The following ANK2 variants were observed in gnomAD, a reference collection of about 807,000 sequenced individuals.
ANK2 encodes the protein ankyrin-2.
ANK2 carries 83 observed loss-of-function variants against 360.5 expected under a neutral mutation model. That is an observed-to-expected ratio of 0.23 (90% confidence interval 0.19 to 0.28). The LOEUF (loss-of-function observed/expected upper bound fraction) is 0.28, where lower values mean the gene tolerates loss of function less well. ANK2 is among the 10% of genes least tolerant of loss of function. The probability of loss-of-function intolerance (pLI) is 1.00; values close to 1 mark genes in which losing one functional copy is unlikely to be tolerated. For missense variants in ANK2, 4,201 were observed against 4,795.7 expected, an observed-to-expected ratio of 0.88 and a Z score of 3.66; for synonymous variants, 1,740 against 1,759.5, an observed-to-expected ratio of 0.99 and a Z score of 0.28.
intron 4 of ANK2, among the ~76,000 whole-genome samples, chr4:113,229,386 T>C (rs1226534914): frequency 6.6e-6 from 1 of 152,204 alleles, no homozygotes; most frequent in African/African-American, 2.4e-5. Context: ...CTTTGCCTTC[T>C]GTCTTGCTCT....
the ANK2 span, among the ~76,000 whole-genome samples, chr4:112,764,311 T>G: frequency 6.6e-6 from 1 of 152,116 alleles, no homozygotes; most frequent in Non-Finnish European, 1.5e-5. Context: ...TTCTATTCGC[T>G]AATCTATCTT....
the ANK2 span, chr4:112,788,934 T>C: frequency 1.6e-6 from 1 of 616,434 alleles, no homozygotes; most frequent in Non-Finnish European, 2.8e-6. Context: ...TACTTCATCA[T>C]CTCAAATACA....
chr4:112,996,735 C>A (rs745659203), intron 2 of ANK2, among the ~76,000 whole-genome samples: 5 of 152,162 alleles, frequency 3.3e-5, no homozygotes, highest in African/African-American at 4.8e-5. Flanking sequence ...CTTTGAGTTA[C>A]AAACAATCCA....
At chr4:113,222,105 A>G (rs896148890) in intron 4 of ANK2, among the ~76,000 whole-genome samples, 3 of 152,250 alleles carry the variant, frequency 2.0e-5, no homozygotes, top group African/African-American at 7.2e-5. Flanking sequence ...ATAAAGATAC[A>G]GTATTTGTTT....
At chr4:112,908,527 C>T (rs2086041352) in intron 2 of ANK2, among the ~76,000 whole-genome samples, 1 of 152,176 alleles carries the variant, frequency 6.6e-6, no homozygotes. Context: ...AGTCAAATAC[C>T]TGCAATGGCT....
chr4:113,354,795 G>A lies in ANK2; in HGVS notation c.6177G>A (p.Thr2059=), dbSNP rs891749744. 1.1e-5 allele frequency: 17 copies of A among 1,613,972 alleles called. No individual in the cohort carries two copies. The highest frequency in any genetic ancestry group is 2.2e-5 in the East Asian group (1 of 44,904). ...AACGAGGCCAGAGACTCCCGGTAAC[G>A]GGCACAGCAGAATCCAAAAGAGGAG... is the stretch of plus-strand genomic sequence containing the variant. ...TIKRGQRLPV[T]GTAESKRGVR... The change falls in exon 38 of 46, where the codon ACG becomes ACA. Residue 2059 remains threonine (T), a synonymous_variant. Coordinates refer to ENST00000357077, the MANE Select transcript of ANK2 (RefSeq NM_001148.6).
At chr4:112,882,700 AAT>A (rs2077036847) in intron 1 of ANK2, among the ~76,000 whole-genome samples, 3 of 141,016 alleles carry the variant, frequency 2.1e-5, no homozygotes, top group African/African-American at 8.1e-5. Context: ...TTAATAATAG[AAT>A]TTTTTTTTTT....
chr4:113,246,034 G>T (rs2042695535), intron 9 of ANK2, among the ~76,000 whole-genome samples: 1 of 152,174 alleles, frequency 6.6e-6, no homozygotes, highest in African/African-American at 2.4e-5. Context: ...GACCTCAGGT[G>T]ATCTGCCCGC....
chr4:113,276,192 C>T (rs1416875624), intron 15 of ANK2, among the ~76,000 whole-genome samples: 1 of 152,096 alleles, frequency 6.6e-6, no homozygotes, highest in African/African-American at 2.4e-5. Flanking sequence ...CCACCCACCT[C>T]GGCCTCCTAA....
At chr4:113,240,744 A>G (rs2039323890) in intron 8 of ANK2, among the ~76,000 whole-genome samples, 161 bp downstream of exon 8, 1 of 152,208 alleles carries the variant, frequency 6.6e-6, no homozygotes, top group African/African-American at 2.4e-5. Flanking sequence ...TTAAATCACA[A>G]GAAGTCATCT....
chr4:113,030,899 G>A (rs968311491), intron 2 of ANK2, among the ~76,000 whole-genome samples: 2 of 152,014 alleles, frequency 1.3e-5, no homozygotes, highest in Non-Finnish European at 2.9e-5. Flanking sequence ...AAGTGAGGGG[G>A]ATGTTGATCA....
intron 1 of ANK2, among the ~76,000 whole-genome samples, chr4:112,900,988 G>A (rs2083177061): frequency 6.6e-6 from 1 of 152,150 alleles, no homozygotes; most frequent in African/African-American, 2.4e-5. Context: ...TTTTCATGAG[G>A]TTGTTTTGAA....
chr4:113,258,559 T>C, intron 13 of ANK2, 148 bp downstream of exon 13: 2 of 792,586 alleles, frequency 2.5e-6, no homozygotes, highest in Non-Finnish European at 4.3e-6. Context: ...ATTATTGAAA[T>C]AATCACCAGA....
At chr4:113,037,312 G>A (rs1163659323) in intron 2 of ANK2, among the ~76,000 whole-genome samples, 1 of 151,918 alleles carries the variant, frequency 6.6e-6, no homozygotes, top group Non-Finnish European at 1.5e-5. Flanking sequence ...GTTTTAATTA[G>A]AACAGCTTAA....
intron 1 of ANK2, among the ~76,000 whole-genome samples, chr4:113,102,238 G>A (rs1028599584): frequency 2.0e-5 from 3 of 152,018 alleles, no homozygotes; most frequent in Non-Finnish European, 4.4e-5. Context: ...ATATATTTTG[G>A]TGGAAAAATT....
At chr4:112,951,081 CAAAAAAA>C (rs1184265938) in intron 2 of ANK2, among the ~76,000 whole-genome samples, 10 of 55,946 alleles carry the variant, frequency 1.8e-4, no homozygotes, top group Non-Finnish European at 3.2e-4. Context: ...GCCTCCGTCT[CAAAAAAA>C]AAAAAAAAAA....
chr4:112,939,085 C>G (rs903795341), intron 2 of ANK2, among the ~76,000 whole-genome samples: 2 of 152,210 alleles, frequency 1.3e-5, no homozygotes, highest in African/African-American at 4.8e-5. Flanking sequence ...GTTTTGTACC[C>G]TAGCTACTAT....
chr4:113,127,669 T>A (rs2095747728), intron 1 of ANK2, among the ~76,000 whole-genome samples: 1 of 151,706 alleles, frequency 6.6e-6, no homozygotes, highest in Non-Finnish European at 1.5e-5. Context: ...ATGATCAAAG[T>A]GGAAGGAAGG....
At chr4:112,994,548 C>G (rs781704666) in intron 2 of ANK2, among the ~76,000 whole-genome samples, 1 of 152,162 alleles carries the variant, frequency 6.6e-6, no homozygotes, top group Non-Finnish European at 1.5e-5. Flanking sequence ...ATGAGACAAT[C>G]TCCAGTAGTT....
Sources: allele counts gnomAD v4.1 joint callset (sites outside exome capture counted in the v4.1 genomes callset), GRCh38; gene constraint gnomAD v4.1.1; transcripts MANE v1.5; gene names NCBI Gene and HGNC (gene_info 2026-07-23, HGNC 2026-07-21).